The following NMT2 variants were observed in gnomAD, a reference collection of about 807,000 sequenced individuals.
NMT2 encodes the protein N-myristoyltransferase 2, also known as glycylpeptide N-tetradecanoyltransferase 2.
Under a neutral mutation model 65.4 loss-of-function variants are expected in NMT2, and 35 were observed. That is an observed-to-expected ratio of 0.54 (90% CI 0.41 to 0.71). The LOEUF is 0.71. NMT2 is among the 30% of genes least tolerant of loss of function. NMT2 has a pLI of 0.00. For missense variants in NMT2, 489 were observed against 611.3 expected, an observed-to-expected ratio of 0.80 and a Z score of 2.11; for synonymous variants, 226 against 231.8, an observed-to-expected ratio of 0.98 and a Z score of 0.23.
chr10:15,141,299 G>A (rs1350544515), intron 2 of NMT2, 123 bp downstream of exon 2: 1 of 1,245,856 alleles, frequency 8.0e-7, no homozygotes, highest in African/African-American at 1.5e-5. Flanking sequence ...CCAGTTACTA[G>A]TGGCATTCAA....
intron 1 of NMT2, among the ~76,000 whole-genome samples, chr10:15,156,766 CAT>C (rs1833014417): frequency 6.6e-6 from 1 of 151,964 alleles, no homozygotes. Context: ...CGTGGTGGCA[CAT>C]GCCTGTAATC....
At chr10:15,113,448 C>A (rs1406997568) in intron 9 of NMT2, among the ~76,000 whole-genome samples, 1 of 106,242 alleles carries the variant, frequency 9.4e-6, no homozygotes, top group South Asian at 2.9e-4. Flanking sequence ...CCAGCCTGGG[C>A]GACAGGATGA....
In NMT2 at chr10:15,141,574, G is replaced by T; in HGVS notation, c.111-17C>A. On this transcript the variant is annotated splice_polypyrimidine_tract_variant and intron_variant, in intron 1 of 11. Coordinates refer to ENST00000378165, the MANE Select transcript of NMT2 (RefSeq NM_004808.3). ...CCAGGACTTCTGCAGGAAATGCAAA[G>T]ATGGTGAAACCAACCAACAAACAAA... The T allele has an allele frequency of 6.3e-7, 1 of 1,596,524 alleles. No individual in the cohort carries two copies. The highest frequency in any genetic ancestry group is 2.2e-5 in the East Asian group (1 of 44,666).
chr10:15,106,491 G>A lies in NMT2; in HGVS notation c.*2704C>T, dbSNP rs1026332586. On this transcript the variant is annotated 3_prime_UTR_variant, in exon 12 of 12. Transcript: ENST00000378165. ...AGCCTTTCTCCTGTTAAGAAAGAAC[G>A]CTAATGCAATTAGGGTGGAACCATC... is the stretch of plus-strand genomic sequence containing the variant. 6 of 213,274 alleles carry A rather than the reference G, an allele frequency of 2.8e-5. No individual in the cohort carries two copies. Among genetic ancestry groups the A allele is most frequent in the Non-Finnish European group, 4.0e-5 (5 of 123,878 alleles). 13.2% of individuals were successfully genotyped at this position (213,274 alleles called of 1,614,324 possible).
intron 3 of NMT2, 91 bp downstream of exon 3, chr10:15,135,181 ACT>A (rs1298565811): frequency 9.4e-6 from 12 of 1,270,282 alleles, no homozygotes; most frequent in Non-Finnish European, 1.4e-5. Context: ...TGAAGTTAAC[ACT>A]CTTTGTGTTT....
intron 1 of NMT2, among the ~76,000 whole-genome samples, chr10:15,161,357 C>T (rs551314378): frequency 1.0e-3 from 157 of 152,008 alleles, no homozygotes; most frequent in African/African-American, 3.7e-3. Context: ...TTATTTTTTA[C>T]TTTTATTTTT....
chr10:15,145,975 A>T (rs1244075952), intron 1 of NMT2, among the ~76,000 whole-genome samples: 1 of 152,206 alleles, frequency 6.6e-6, no homozygotes, highest in East Asian at 1.9e-4. Context: ...CTCTCCCTGG[A>T]AATCCAATGA....
At chr10:15,129,358 C>CT (rs1375166718) in intron 7 of NMT2, among the ~76,000 whole-genome samples, 8 of 152,140 alleles carry the variant, frequency 5.3e-5, no homozygotes, top group Non-Finnish European at 8.8e-5. Flanking sequence ...GAGATAAACT[C>CT]TGATGTTTTA....
At position 15,106,785 on chromosome 10, in the gene NMT2, C is replaced by T; in HGVS notation, c.*2410G>A. 1 of 319,196 alleles carries T rather than the reference C, an allele frequency of 3.1e-6. No individual in the cohort carries two copies. Among genetic ancestry groups the T allele is most frequent in the Non-Finnish European group, 4.5e-6 (1 of 221,036 alleles). 19.8% of individuals were successfully genotyped at this position (319,196 alleles called of 1,614,324 possible). A position where few individuals can be genotyped will look rare whatever the true frequency, so the allele number is the denominator to read the frequency against. ...CTCAACTCAGCTTTGTAGTGTGAAG[C>T]AGCCATAGGCAATATGTAAATGAAA... On this transcript the variant is annotated 3_prime_UTR_variant, in exon 12 of 12. Coordinates refer to ENST00000378165, the MANE Select transcript of NMT2 (RefSeq NM_004808.3).
rs1240387930 is a variant in NMT2 at position 15,128,335 on chromosome 10, A to G, written c.999+15T>C. On this transcript the variant is annotated intron_variant, in intron 8 of 11. Coordinates refer to ENST00000378165, the MANE Select transcript of NMT2 (RefSeq NM_004808.3). Reference sequence around the variant, plus strand: ...TTGTTACAGCTTCAAAAAACTGCAAATCATTCTTACTTACATCTGGAAGTC... The same window carrying G: ...TTGTTACAGCTTCAAAAAACTGCAAGTCATTCTTACTTACATCTGGAAGTC... The G allele has an allele frequency of 7.0e-7, 1 of 1,433,750 alleles. No homozygotes were observed. Among genetic ancestry groups the G allele is most frequent in the Admixed American group, 1.7e-5 (1 of 59,024 alleles). 88.8% of individuals were successfully genotyped at this position (1,433,750 alleles called of 1,614,324 possible).
At chr10:15,137,984 C>T (rs1172643085) in intron 2 of NMT2, among the ~76,000 whole-genome samples, 1 of 149,026 alleles carries the variant, frequency 6.7e-6, no homozygotes, top group East Asian at 2.0e-4. Flanking sequence ...TATTTAAATG[C>T]TTTCTTTCTT....
At chr10:15,164,021 T>C (rs1194086717) in intron 1 of NMT2, among the ~76,000 whole-genome samples, 1 of 151,686 alleles carries the variant, frequency 6.6e-6, no homozygotes, top group Non-Finnish European at 1.5e-5. Flanking sequence ...CTACTAAAAA[T>C]ACAAAAAAAT....
At chr10:15,135,122 T>C (rs989020514) in intron 3 of NMT2, 152 bp downstream of exon 3, 8 of 783,444 alleles carry the variant, frequency 1.0e-5, no homozygotes, top group Non-Finnish European at 1.7e-5. Flanking sequence ...AAGAAAAATA[T>C]TAGTCTTGCA....
intron 3 of NMT2, among the ~76,000 whole-genome samples, chr10:15,133,744 GC>G (rs1475810291): frequency 6.6e-6 from 1 of 152,034 alleles, no homozygotes; most frequent in Non-Finnish European, 1.5e-5. Context: ...ACAACACAGT[GC>G]CCGGCTAATT....
At chr10:15,143,258 C>T (rs1452507901) in intron 1 of NMT2, among the ~76,000 whole-genome samples, 1 of 152,172 alleles carries the variant, frequency 6.6e-6, no homozygotes. Context: ...TATCTTGGGG[C>T]CACAGGCTGG....
chr10:15,117,234 G>C (rs1358503740), intron 9 of NMT2, among the ~76,000 whole-genome samples: 1 of 152,154 alleles, frequency 6.6e-6, no homozygotes, highest in African/African-American at 2.4e-5. Context: ...ATGTAAGAGT[G>C]ACCCAACATT....
chr10:15,141,330 C>G, intron 2 of NMT2, 92 bp downstream of exon 2: 2 of 1,478,458 alleles, frequency 1.4e-6, no homozygotes, highest in Non-Finnish European at 1.9e-6. Flanking sequence ...CAACAAAGTC[C>G]CTACACATCT....
At chr10:15,127,579 TAAATAAATAAATAAATAAAATA>T (rs1564568483) in intron 8 of NMT2, among the ~76,000 whole-genome samples, 1 of 62,012 alleles carries the variant, frequency 1.6e-5, no homozygotes, top group East Asian at 3.9e-4. Flanking sequence ...AATAAATAAA[TAAATAAATAAATAAATAAAATA>T]AAATAAATAA....
chr10:15,124,594 G>A (rs1046245572), intron 8 of NMT2, among the ~76,000 whole-genome samples: 2 of 152,216 alleles, frequency 1.3e-5, no homozygotes, highest in Non-Finnish European at 2.9e-5. Context: ...AAATGAGATT[G>A]ATCTATACAG....
Sources: gnomAD v4.1 joint callset for allele counts (sites outside exome capture counted in the v4.1 genomes callset) on GRCh38, gnomAD v4.1.1 for gene constraint, MANE v1.5 for transcripts, NCBI Gene and HGNC (gene_info 2026-07-23, HGNC 2026-07-21) for gene names.